FAM222B: variants seen among roughly 807,000 people sequenced by gnomAD.
FAM222B encodes family with sequence similarity 222 member B.
Under a neutral mutation model 38.0 loss-of-function variants are expected in FAM222B, and 12 were observed. The ratio of observed to expected loss-of-function variants is 0.32; its 90% confidence interval spans 0.20 to 0.51. FAM222B has a LOEUF of 0.51. Ranked by LOEUF, FAM222B falls within the 20% of genes least tolerant of loss-of-function variation. The pLI is 0.97. For synonymous variants in FAM222B, 329 were observed against 317.2 expected (o/e 1.04, Z -0.40); for missense variants, 716 against 754.2 (o/e 0.95, Z 0.59).
chr17:28,787,826 CTT>C (rs59467944), intron 1 of FAM222B, among the ~76,000 whole-genome samples: 17 of 130,124 alleles, frequency 1.3e-4, no homozygotes, highest in Admixed American at 1.6e-4. Context: ...ATAAAGTAGT[CTT>C]TTTTTTTTTT....
At chr17:28,829,275 C>T (rs904575293) in intron 1 of FAM222B, among the ~76,000 whole-genome samples, 1 of 150,530 alleles carries the variant, frequency 6.6e-6, no homozygotes, top group African/African-American at 2.5e-5. Context: ...AGTGCAATGG[C>T]GCCATCTTGG....
chr17:28,777,860 C>T (rs1214891240), intron 1 of FAM222B, among the ~76,000 whole-genome samples: 1 of 151,818 alleles, frequency 6.6e-6, no homozygotes, highest in Non-Finnish European at 1.5e-5. Flanking sequence ...TTAATCTTGG[C>T]TCACTGTAGC....
chr17:28,794,845 C>A (rs894439346), intron 1 of FAM222B, among the ~76,000 whole-genome samples: 2 of 151,978 alleles, frequency 1.3e-5, no homozygotes, highest in Non-Finnish European at 2.9e-5. Context: ...GTAATCCCAG[C>A]ACTTCGGGAG....
chr17:28,845,540 T>C (rs1301923325), upstream of FAM222B, among the ~76,000 whole-genome samples: 3 of 150,522 alleles, frequency 2.0e-5, no homozygotes, highest in African/African-American at 4.9e-5. Flanking sequence ...ATCGCGCCAC[T>C]GCACTCCAGC....
intron 1 of FAM222B, among the ~76,000 whole-genome samples, chr17:28,848,589 T>C (rs1026955115): frequency 7.3e-5 from 11 of 151,532 alleles, no homozygotes; most frequent in Non-Finnish European, 1.5e-4. Flanking sequence ...TGAAAGTGTG[T>C]CTCTACTAAA....
chr17:28,784,524 A>T (rs2151850712), intron 1 of FAM222B, among the ~76,000 whole-genome samples: 1 of 135,938 alleles, frequency 7.4e-6, no homozygotes, highest in African/African-American at 2.7e-5. Context: ...AAAAAAAAAA[A>T]AAAAAAAGGC....
chr17:28,796,993 GC>G (rs1161136929), intron 1 of FAM222B, among the ~76,000 whole-genome samples: 2 of 119,770 alleles, frequency 1.7e-5, no homozygotes, highest in African/African-American at 6.4e-5. Context: ...AGTGGCTATT[GC>G]TTTTTTTTTT....
chr17:28,821,094 T>C (rs1049503441), intron 1 of FAM222B, among the ~76,000 whole-genome samples: 1 of 152,014 alleles, frequency 6.6e-6, no homozygotes, highest in Non-Finnish European at 1.5e-5. Context: ...TAGCTGGGAC[T>C]ACAGGCACGC....
intron 1 of FAM222B, among the ~76,000 whole-genome samples, chr17:28,812,812 G>C (rs997286309): frequency 6.7e-6 from 1 of 149,296 alleles, no homozygotes; most frequent in African/African-American, 2.5e-5. Context: ...CCACCCACGC[G>C]ATACCTCCCA....
chr17:28,810,654 G>A (rs534942256), intron 1 of FAM222B, among the ~76,000 whole-genome samples: 1 of 152,248 alleles, frequency 6.6e-6, no homozygotes, highest in East Asian at 1.9e-4. Context: ...ACAACTCATG[G>A]AGCCTTAAGG....
intron 1 of FAM222B, among the ~76,000 whole-genome samples, chr17:28,839,577 T>G (rs1858848252): frequency 6.6e-6 from 1 of 152,108 alleles, no homozygotes; most frequent in South Asian, 2.1e-4. Context: ...TTACCAACAT[T>G]AAAAATAAAT....
intron 1 of FAM222B, among the ~76,000 whole-genome samples, chr17:28,768,836 C>CAAAAAAAA: frequency 1.4e-5 from 1 of 70,878 alleles, no homozygotes; most frequent in Non-Finnish European, 2.7e-5. Flanking sequence ...AACTCTGTCT[C>CAAAAAAAA]AAAAAAAAAA....
At chr17:28,814,940 A>G (rs2037957072) in intron 1 of FAM222B, among the ~76,000 whole-genome samples, 1 of 148,076 alleles carries the variant, frequency 6.8e-6, no homozygotes, top group African/African-American at 2.5e-5. Flanking sequence ...TGCCCGGCTA[A>G]TTTTTGTATT....
rs564594488 is a variant in FAM222B at position 28,776,075 on chromosome 17, C to CA, written c.-40-9369dup. On this transcript the variant is annotated intron_variant, in intron 1 of 2. Transcript: ENST00000581407. ...TGGGCAACAAAGTGAGACTTTGTCT[C>CA]AAAAAAAAAAAAAGAAAAAAAAAAG... 6.9e-3 allele frequency among the ~76,000 whole-genome samples: 557 copies of CA among 81,214 alleles called. 4 individuals are homozygous for CA. Among genetic ancestry groups the CA allele is most frequent in the African/African-American group, 0.017 (372 of 22,292 alleles). 53.3% of individuals were successfully genotyped at this position (81,214 alleles called of 152,430 possible). A position where few individuals can be genotyped will look rare whatever the true frequency, so the allele number is the denominator to read the frequency against.
intron 1 of FAM222B, among the ~76,000 whole-genome samples, chr17:28,840,023 G>A (rs1196573129): frequency 6.6e-6 from 1 of 151,968 alleles, no homozygotes; most frequent in East Asian, 1.9e-4. Context: ...TCAATCCTCA[G>A]AGTCAGCAAA....
At chr17:28,806,373 A>C (rs1186833671) in intron 1 of FAM222B, among the ~76,000 whole-genome samples, 1 of 152,154 alleles carries the variant, frequency 6.6e-6, no homozygotes, top group East Asian at 1.9e-4. Flanking sequence ...CTTTTCAGTT[A>C]GGCCGCAATG....
intron 1 of FAM222B, among the ~76,000 whole-genome samples, chr17:28,816,184 G>T (rs1189911309): frequency 1.3e-5 from 2 of 151,458 alleles, no homozygotes; most frequent in Non-Finnish European, 2.9e-5. Flanking sequence ...GGCTGGGACA[G>T]GAAAATTGCT....
At position 28,758,578 on chromosome 17, in the gene FAM222B, G is replaced by A. The variant is rs1597829037; in HGVS notation, c.1381C>T (p.Pro461Ser). The change falls in exon 3 of 3, where the codon CCC becomes TCC. Residue 461 changes from proline to serine, a missense_variant. By Grantham distance (74) the Pro-to-Ser change is moderately conservative. Coordinates refer to ENST00000581407, the MANE Select transcript of FAM222B (RefSeq NM_001077498.3). ...QPLWNNILPT[P>S]NSDSSGSQDL... Reference sequence around the variant, plus strand: ...TGAGACCCCGAGCTGTCGCTATTGGGAGTGGGCAGAATGTTGTTCCACAGG... The same window carrying A: ...TGAGACCCCGAGCTGTCGCTATTGGAAGTGGGCAGAATGTTGTTCCACAGG... 1 of 1,610,418 alleles carries A rather than the reference G, an allele frequency of 6.2e-7. No individual in the cohort carries two copies. The highest frequency in any genetic ancestry group is 8.5e-7 in the Non-Finnish European group (1 of 1,179,870).
rs1316439766 is a variant in FAM222B, at chr17:28,758,657, T to C, written c.1302A>G (p.Pro434=). Reference sequence around the variant, plus strand: ...CCAATGGGGCTGCCATGCCGTTGACTGGTGGGGATGGGGTCGGCTTTTCCA... The same window carrying C: ...CCAATGGGGCTGCCATGCCGTTGACCGGTGGGGATGGGGTCGGCTTTTCCA... ...PPLEKPTPSP[P]VNGMAAPLAY... Residue 434 remains proline, a synonymous_variant, in exon 3 of 3, where the codon CCA becomes CCG. Transcript: ENST00000581407. 5.6e-6 allele frequency: 9 copies of C among 1,609,652 alleles called. No homozygotes were observed. The South Asian group carries it at 9.9e-5, about 18-fold the overall frequency.
Sources: gnomAD v4.1 joint callset for allele counts (sites outside exome capture counted in the v4.1 genomes callset) on GRCh38, gnomAD v4.1.1 for gene constraint, MANE v1.5 for transcripts, NCBI Gene and HGNC (gene_info 2026-07-23, HGNC 2026-07-21) for gene names.